CMBL: variants seen among roughly 807,000 people sequenced by gnomAD.
CMBL encodes the protein carboxymethylenebutenolidase homolog, also known as carboxymethylenebutenolidase homolog (Pseudomonas).
Under a neutral mutation model 28.7 loss-of-function variants are expected in CMBL, and 17 were observed. The ratio of observed to expected loss-of-function variants is 0.59; its 90% CI spans 0.41 to 0.89. The LOEUF is 0.89. CMBL is among the 40% of genes least tolerant of loss of function. CMBL has a pLI of 0.00. For missense variants in CMBL, 310 were observed against 298.5 expected, an observed-to-expected ratio of 1.04 and a Z score of -0.28; for synonymous variants, 106 against 101.6, an observed-to-expected ratio of 1.04 and a Z score of -0.26.
chr5:10,291,382 GC>G, intron 1 of CMBL, among the ~76,000 whole-genome samples: 1 of 152,292 alleles, frequency 6.6e-6, no homozygotes, highest in East Asian at 1.9e-4. Context: ...GCAATCCTCG[GC>G]CGGGCGCGGT....
chr5:10,284,171 C>T (rs934359876), intron 4 of CMBL, among the ~76,000 whole-genome samples: 8 of 152,232 alleles, frequency 5.3e-5, no homozygotes, highest in Non-Finnish European at 8.8e-5. Context: ...TACACAACAG[C>T]GGCCAGAAGG....
intron 1 of CMBL, among the ~76,000 whole-genome samples, chr5:10,303,514 C>T (rs1746946821): frequency 6.6e-6 from 1 of 152,198 alleles, no homozygotes; most frequent in African/African-American, 2.4e-5. Context: ...GGATTGTACT[C>T]TACTTGAACG....
intron 1 of CMBL, among the ~76,000 whole-genome samples, chr5:10,296,426 G>A (rs1746810930): frequency 6.6e-6 from 1 of 152,098 alleles, no homozygotes; most frequent in Admixed American, 6.6e-5. Flanking sequence ...TACTACAGGC[G>A]AGCACCACCA....
chr5:10,298,915 C>T (rs898232285), intron 1 of CMBL, among the ~76,000 whole-genome samples: 7 of 152,028 alleles, frequency 4.6e-5, no homozygotes, highest in Non-Finnish European at 1.5e-5. Context: ...AACAAAAACC[C>T]AAAATAGCTC....
chr5:10,285,405 G>A (rs983666788), intron 4 of CMBL, among the ~76,000 whole-genome samples: 6 of 152,058 alleles, frequency 3.9e-5, no homozygotes, highest in Non-Finnish European at 7.4e-5. Flanking sequence ...TTGACCTCAT[G>A]AGCCACCCAC....
intron 1 of CMBL, among the ~76,000 whole-genome samples, chr5:10,293,834 G>A (rs1337180323): frequency 6.6e-6 from 1 of 152,252 alleles, no homozygotes; most frequent in South Asian, 2.1e-4. Context: ...ACCTCAGGAA[G>A]CACATTCTAG....
At chr5:10,299,995 A>C (rs1317976106) in intron 1 of CMBL, among the ~76,000 whole-genome samples, 1 of 152,228 alleles carries the variant, frequency 6.6e-6, no homozygotes, top group East Asian at 1.9e-4. Context: ...TTATTGATTG[A>C]TGTAGGTTGA....
At position 10,304,810 on chromosome 5, in the gene CMBL, C is replaced by T. The variant is rs1486368432; in HGVS notation, c.-20+2815G>A. Among the ~76,000 whole-genome samples the T allele has an allele frequency of 2.0e-5, 3 of 151,758 alleles. No individual in the cohort carries two copies. The East Asian group carries it at 5.8e-4, about 29-fold the overall frequency. ...TTTTTTCCACAGGAGGGGAAAGAGT[C>T]CATTAATTCTGCATGGAAACGGGAT... On this transcript the variant is annotated intron_variant, in intron 1 of 5. Transcript: ENST00000296658.
intron 1 of CMBL, among the ~76,000 whole-genome samples, chr5:10,300,467 A>G (rs969293463): frequency 4.6e-5 from 7 of 152,120 alleles, no homozygotes; most frequent in Non-Finnish European, 1.0e-4. Flanking sequence ...ATATTACACA[A>G]CAGTTCGATG....
chr5:10,301,471 A>T (rs1221326252), intron 1 of CMBL, among the ~76,000 whole-genome samples: 2 of 151,664 alleles, frequency 1.3e-5, no homozygotes, highest in South Asian at 4.2e-4. Flanking sequence ...TACAGCGATC[A>T]TCAACACCAT....
intron 2 of CMBL, 100 bp downstream of exon 2, chr5:10,290,448 C>T (rs1746687984): frequency 4.2e-6 from 4 of 950,678 alleles, no homozygotes; most frequent in Non-Finnish European, 4.9e-6. Flanking sequence ...ACAGTAGATA[C>T]TGTATAGTCA....
At position 10,286,503 on chromosome 5, in the gene CMBL, C is replaced by G. The variant is rs1430595136; in HGVS notation, c.324-7G>C. On this transcript the variant is annotated splice_region_variant and splice_polypyrimidine_tract_variant and intron_variant, in intron 3 of 5. Transcript: ENST00000296658. Reference sequence around the variant, plus strand: ...CAAGATAGCACTGATCTCTCTAGAACAGAAAGAAAAAATATTCAAGAATCA... The same window carrying G: ...CAAGATAGCACTGATCTCTCTAGAAGAGAAAGAAAAAATATTCAAGAATCA... 1 of 1,610,852 alleles carries G rather than the reference C, an allele frequency of 6.2e-7. No individual in the cohort carries two copies. The highest frequency in any genetic ancestry group is 1.7e-5 in the Admixed American group (1 of 59,464).
intron 1 of CMBL, among the ~76,000 whole-genome samples, chr5:10,303,988 T>C (rs1296752803): frequency 1.3e-5 from 2 of 152,222 alleles, no homozygotes; most frequent in Non-Finnish European, 2.9e-5. Flanking sequence ...CCTTGGATCA[T>C]GCTAACGCAG....
chr5:10,280,516 T>C lies in CMBL; in HGVS notation c.675A>G (p.Ala225=), dbSNP rs1482955683. The C allele has an allele frequency of 3.7e-6, 6 of 1,613,956 alleles. No homozygotes were observed. Among genetic ancestry groups the C allele is most frequent in the Non-Finnish European group, 5.1e-6 (6 of 1,179,840 alleles). The change falls in exon 6 of 6, where the codon GCA becomes GCG. Residue 225 remains alanine (A), a synonymous_variant. Transcript: ENST00000296658. ...TGGCCTCGTCAATGTAGGGCTTGTC[T>C]GCAGGTGAGCAATCTTCTCTCTTCC... The part of the protein sequence containing the change: ...VHRKREDCSP[A]DKPYIDEARR...
chr5:10,286,484 AG>A lies in CMBL; in HGVS notation c.335del (p.Ala112ValfsTer3). On this transcript the variant is annotated frameshift_variant, in exon 4 of 6. Transcript: ENST00000296658. LOFTEE classifies it high-confidence loss of function. ...NAQKIDREIS[A>X]ILKYLKQQCH... is the part of the protein sequence containing the mutation. ...ACTGTTGTTTCAGATACTTCAAGAT[AG>A]CACTGATCTCTCTAGAACAGAAAGA... 6.2e-7 allele frequency: 1 copy of A among 1,614,022 alleles called. No homozygotes were observed. Among genetic ancestry groups the A allele is most frequent in the Non-Finnish European group, 8.5e-7 (1 of 1,179,922 alleles).
intron 1 of CMBL, among the ~76,000 whole-genome samples, chr5:10,294,386 C>A (rs1400428693): frequency 6.6e-6 from 1 of 151,872 alleles, no homozygotes; most frequent in Non-Finnish European, 1.5e-5. Flanking sequence ...CACAGCAAGA[C>A]CCCATATCTG....
chr5:10,296,720 G>C (rs1264523928), intron 1 of CMBL, among the ~76,000 whole-genome samples: 1 of 152,198 alleles, frequency 6.6e-6, no homozygotes, highest in Non-Finnish European at 1.5e-5. Context: ...GGGGGAGGAA[G>C]ACCCCAAGTG....
chr5:10,292,696 C>T (rs1289874968), intron 1 of CMBL, among the ~76,000 whole-genome samples: 1 of 151,818 alleles, frequency 6.6e-6, no homozygotes, highest in Non-Finnish European at 1.5e-5. Flanking sequence ...TGGTGGCAGG[C>T]GCCTGTAGTC....
chr5:10,301,080 C>A (rs192943803), intron 1 of CMBL, among the ~76,000 whole-genome samples: 1 of 151,518 alleles, frequency 6.6e-6, no homozygotes, highest in Non-Finnish European at 1.5e-5. Flanking sequence ...AATTGGTTAC[C>A]GGGAAGAGAG....
Sources: gnomAD v4.1 joint callset for allele counts (sites outside exome capture counted in the v4.1 genomes callset) on GRCh38, gnomAD v4.1.1 for gene constraint, MANE v1.5 for transcripts, NCBI Gene and HGNC (gene_info 2026-07-23, HGNC 2026-07-21) for gene names.